Variants in MGST1 observed in about 807,000 individuals in gnomAD.
MGST1 encodes glutathione S-transferase 12.
In MGST1, 5 loss-of-function variants were observed where a neutral mutation model predicts 8.9. That is an observed-to-expected ratio of 0.56 (90% confidence interval 0.29 to 1.19). The LOEUF is 1.19. MGST1 is among the 50% of genes most tolerant of loss of function. The pLI, the probability that MGST1 is intolerant of heterozygous loss-of-function variation, is 0.08. For missense variants in MGST1, 182 were observed against 187.4 expected (o/e 0.97, Z 0.17); for synonymous variants, 54 against 67.8 (o/e 0.80, Z 1.00).
Position 16,401,214 on chromosome 12 carries a change from A to G in MGST1, n.778+17610A>G. ...CCTCATCCATAAGCACTGTGTCACT[A>G]AGGAACAGGGCATAGGTTTTCTCTT... On this transcript the variant is annotated intron_variant and non_coding_transcript_variant, in intron 1 of 1. Coordinates refer to the MGST1 transcript ENST00000359720. The surrounding 1 kb of genome is among the most constrained non-coding windows in gnomAD (Gnocchi z 4.3). The G allele has an allele frequency of 6.4e-7, 1 of 1,566,222 alleles. No individual in the cohort carries two copies.
In MGST1 at chr12:16,585,637, C is replaced by T. The variant is rs1371691064; in HGVS notation, n.483-3891C>T. ...CCTGTATTTTCTTTCCGTTGAAGTC[C>T]ACCCATTCCAATTATTTAAGTGATT... On this transcript the variant is annotated intron_variant and non_coding_transcript_variant, in intron 4 of 4. Transcript: ENST00000538857. This position sits in a 1 kb window ranked among gnomAD's most constrained non-coding sequence, Gnocchi z 4.7. Among the ~76,000 whole-genome samples the T allele has an allele frequency of 6.6e-6, 1 of 152,120 alleles. No homozygotes were observed. Among genetic ancestry groups the T allele is most frequent in the Non-Finnish European group, 1.5e-5 (1 of 68,020 alleles).
chr12:16,399,824 G>A (rs1940638447), intron 1 of MGST1: 1 of 1,218,124 alleles, frequency 8.2e-7, no homozygotes, highest in African/African-American at 1.5e-5. Context: ...ATTGATCATG[G>A]TCACTTTCTT....
chr12:16,522,757 C>T (rs898395280), intron 4 of MGST1, among the ~76,000 whole-genome samples: 1 of 152,074 alleles, frequency 6.6e-6, no homozygotes, highest in African/African-American at 2.4e-5. Flanking sequence ...ACAGTTTCAA[C>T]TCTGTTTCTG....
chr12:16,430,885 G>T (rs1407733797), intron 1 of MGST1, among the ~76,000 whole-genome samples: 1 of 152,134 alleles, frequency 6.6e-6, no homozygotes, highest in Non-Finnish European at 1.5e-5. Flanking sequence ...CTCTCTAGCT[G>T]TGAAAGTCCT....
At chr12:16,466,980 A>T (rs1394412584) in intron 4 of MGST1, among the ~76,000 whole-genome samples, 1 of 152,200 alleles carries the variant, frequency 6.6e-6, no homozygotes, top group African/African-American at 2.4e-5. Flanking sequence ...CATAGCAGGT[A>T]GCAGATGGCT....
intron 4 of MGST1, among the ~76,000 whole-genome samples, chr12:16,529,600 G>A (rs10744128): frequency 0.37 from 55,712 of 151,780 alleles, 10,726 homozygotes; most frequent in African/African-American, 0.48. Flanking sequence ...TAACCCCATC[G>A]CCTCCTGGTG....
intron 4 of MGST1, among the ~76,000 whole-genome samples, chr12:16,493,298 T>C (rs998319947): frequency 1.3e-5 from 2 of 152,126 alleles, no homozygotes; most frequent in Admixed American, 6.5e-5. Flanking sequence ...TAAGCCTTTT[T>C]TTGTTTGTTT....
chr12:16,380,921 C>T (rs1565443817), downstream of MGST1, among the ~76,000 whole-genome samples: 1 of 152,052 alleles, frequency 6.6e-6, no homozygotes, highest in Admixed American at 6.5e-5. Context: ...CTCTTTTGAT[C>T]TTTGTTGGTT....
chr12:16,578,687 G>A (rs1007508601), intron 4 of MGST1, among the ~76,000 whole-genome samples: 2 of 151,886 alleles, frequency 1.3e-5, no homozygotes, highest in Admixed American at 6.6e-5. Context: ...GTGTGGTGGT[G>A]CATGCCTGTA....
intron 4 of MGST1, among the ~76,000 whole-genome samples, chr12:16,477,190 T>C (rs1365957061): frequency 6.6e-6 from 1 of 152,204 alleles, no homozygotes; most frequent in Non-Finnish European, 1.5e-5. Flanking sequence ...AAGATTAGTT[T>C]GAAGTTCATC....
intron 4 of MGST1, among the ~76,000 whole-genome samples, chr12:16,553,237 G>T (rs767339969): frequency 6.6e-6 from 1 of 152,092 alleles, no homozygotes; most frequent in Non-Finnish European, 1.5e-5. Flanking sequence ...CCCTGCCCAA[G>T]ATTCTGTAGT....
At chr12:16,429,868 G>T (rs1940923495) in intron 1 of MGST1, among the ~76,000 whole-genome samples, 2 of 152,036 alleles carry the variant, frequency 1.3e-5, no homozygotes, top group African/African-American at 4.8e-5. Context: ...TTAAAATAAG[G>T]TAGCAATGAT....
At position 16,479,267 on chromosome 12, in the gene MGST1, C is replaced by G. The variant is rs192709300; in HGVS notation, n.482+95663C>G. Among the ~76,000 whole-genome samples the G allele has an allele frequency of 3.6e-3, 462 of 128,720 alleles. 3 individuals carry two copies. The highest frequency in any genetic ancestry group is 0.013 in the African/African-American group (435 of 33,048). 84.4% of individuals were successfully genotyped at this position (128,720 alleles called of 152,430 possible). A position where few individuals can be genotyped will look rare whatever the true frequency, so the allele number is the denominator to read the frequency against. On this transcript the variant is annotated intron_variant and non_coding_transcript_variant, in intron 4 of 4. Coordinates refer to the MGST1 transcript ENST00000538857. Reference sequence around the variant, plus strand: ...TTTTTTTTTTTTTGACGGAGTCTCGCTCTGTCGCCCAGGCTGGAGTGTGGT... The same window carrying G: ...TTTTTTTTTTTTTGACGGAGTCTCGGTCTGTCGCCCAGGCTGGAGTGTGGT...
At chr12:16,522,096 C>T (rs918778416) in intron 4 of MGST1, among the ~76,000 whole-genome samples, 1 of 152,146 alleles carries the variant, frequency 6.6e-6, no homozygotes, top group Admixed American at 6.5e-5. Context: ...TGAAATGTCT[C>T]ACAGGAGATT....
In MGST1 at chr12:16,559,031, T is replaced by C. The variant is rs1486032668; in HGVS notation, n.483-30497T>C. Among the ~76,000 whole-genome samples the C allele has an allele frequency of 2.0e-5, 3 of 152,130 alleles. No homozygotes were observed. Among genetic ancestry groups the C allele is most frequent in the Non-Finnish European group, 4.4e-5 (3 of 67,992 alleles). On this transcript the variant is annotated intron_variant and non_coding_transcript_variant, in intron 4 of 4. Coordinates refer to the MGST1 transcript ENST00000538857. This position sits in a 1 kb window ranked among gnomAD's most constrained non-coding sequence, Gnocchi z 4.1. ...ATTTGAATCCCGTTCTCACTAGAAA[T>C]GTCACATTCTTTCTACTATTCTACA... is the stretch of plus-strand genomic sequence containing the variant.
At chr12:16,377,504 C>T (rs1214274810), downstream of MGST1, among the ~76,000 whole-genome samples, 1 of 151,968 alleles carries the variant, frequency 6.6e-6, no homozygotes, top group Non-Finnish European at 1.5e-5. Context: ...GCATAGTATT[C>T]CACGGTGTAT....
At chr12:16,381,496 T>G (rs1940453699), downstream of MGST1, among the ~76,000 whole-genome samples, 1 of 152,234 alleles carries the variant, frequency 6.6e-6, no homozygotes, top group Non-Finnish European at 1.5e-5. Flanking sequence ...GTAGAGTTTC[T>G]GCCGAGAGAT....
chr12:16,474,120 C>T (rs746287577), intron 4 of MGST1, among the ~76,000 whole-genome samples: 4 of 152,166 alleles, frequency 2.6e-5, no homozygotes, highest in Non-Finnish European at 4.4e-5. Flanking sequence ...TGAATGTAGA[C>T]ATGATGACAT....
In MGST1 at chr12:16,562,331, A is replaced by T. The variant is rs961307545; in HGVS notation, n.483-27197A>T. On this transcript the variant is annotated intron_variant and non_coding_transcript_variant, in intron 4 of 4. Coordinates refer to the MGST1 transcript ENST00000538857. ...TTTTGAGAAATAAGAAAAACTTAAA[A>T]GTTCTTTATTCAATGAATATAGATA... Among the ~76,000 whole-genome samples the T allele has an allele frequency of 2.6e-5, 4 of 152,328 alleles. No homozygotes were observed. In the East Asian group the frequency reaches 7.7e-4, roughly 29 times the overall value.
Sources: allele counts gnomAD v4.1 joint callset (sites outside exome capture counted in the v4.1 genomes callset), GRCh38; gene constraint gnomAD v4.1.1; non-coding constraint Gnocchi (gnomAD v3.1); transcripts MANE v1.5; gene names NCBI Gene and HGNC (gene_info 2026-07-23, HGNC 2026-07-21).